Variants in CERT1 observed in about 807,000 individuals in gnomAD.
CERT1 encodes the protein ceramide transfer protein.
CERT1 carries 31 observed loss-of-function variants against 87.9 expected under a neutral mutation model. That is an observed-to-expected ratio of 0.35 (90% CI 0.27 to 0.48). CERT1 has a LOEUF of 0.48. Ranked by LOEUF, CERT1 falls within the 20% of genes least tolerant of loss-of-function variation. The pLI is 0.99. For synonymous variants in CERT1, 289 were observed against 250.9 expected, an observed-to-expected ratio of 1.15 and a Z score of -1.44; for missense variants, 487 against 758.0, an observed-to-expected ratio of 0.64 and a Z score of 4.20.
intron 17 of CERT1, chr5:75,370,109 T>G (rs1276714352): frequency 6.6e-6 from 1 of 152,214 alleles, no homozygotes; most frequent in African/African-American, 2.4e-5. Context: ...CCTCTAGGAA[T>G]GAGGACCACA....
At chr5:75,426,526 T>C (rs1477634243) in intron 3 of CERT1, 48 bp from the exon 4 acceptor site, 2 of 1,360,842 alleles carry the variant, frequency 1.5e-6, no homozygotes, top group Non-Finnish European at 2.1e-6. Flanking sequence ...TAAAAAATAC[T>C]TGAGAAAACA....
chr5:75,376,934 A>G (rs1761340461), downstream of CERT1: 1 of 152,172 alleles, frequency 6.6e-6, no homozygotes. Context: ...TATATAATTG[A>G]CTATTATTTT....
chr5:75,419,100 A>G (rs1763265554), intron 6 of CERT1, among the ~76,000 whole-genome samples: 1 of 152,188 alleles, frequency 6.6e-6, no homozygotes, highest in Non-Finnish European at 1.5e-5. Flanking sequence ...AAGACAAGGG[A>G]AAAAAATTGT....
rs541719901 is a variant in CERT1, at chr5:75,460,229, C to T, written c.232-1048G>A. On this transcript the variant is annotated intron_variant, in intron 2 of 16. Transcript: ENST00000643780. Reference sequence around the variant, plus strand: ...TTATTTCATTAAATATTCTTGATATCTCATTTATCAAATCTTATGAAATTT... The same window carrying T: ...TTATTTCATTAAATATTCTTGATATTTCATTTATCAAATCTTATGAAATTT... Among the ~76,000 whole-genome samples, 17 of 152,188 alleles carry T rather than the reference C, an allele frequency of 1.1e-4. No homozygotes were observed. In the South Asian group the frequency reaches 3.5e-3, roughly 32 times the overall value.
rs759188375 is a variant in CERT1 at position 75,410,964 on chromosome 5, T to C, written c.930+47A>G. 13 of 990,308 alleles carry C rather than the reference T, an allele frequency of 1.3e-5. No individual in the cohort carries two copies. The Admixed American group carries it at 1.9e-4, about 14-fold the overall frequency. The allele number at this position is 990,308 out of a possible 1,614,324, so 61.3% of individuals were successfully genotyped here. A position where few individuals can be genotyped will look rare whatever the true frequency, so the allele number is the denominator to read the frequency against. On this transcript the variant is annotated intron_variant, in intron 8 of 16. Transcript: ENST00000643780. ...TATTATTAAAAAATCACTTTTGTGA[T>C]AGACATGATCTATGTGTTTCTCTAA...
chr5:75,474,815 G>C (rs1361498730), intron 2 of CERT1, among the ~76,000 whole-genome samples: 1 of 150,866 alleles, frequency 6.6e-6, no homozygotes, highest in African/African-American at 2.5e-5. Flanking sequence ...TCTTCTACTA[G>C]AGGGAGTCTA....
chr5:75,428,881 T>C (rs1161509956), intron 3 of CERT1, among the ~76,000 whole-genome samples: 3 of 152,076 alleles, frequency 2.0e-5, no homozygotes, highest in African/African-American at 7.2e-5. Flanking sequence ...TGTCCTATTA[T>C]CTCTTCAAGG....
intron 5 of CERT1, among the ~76,000 whole-genome samples, chr5:75,421,947 A>C (rs1042844980): frequency 6.6e-6 from 1 of 152,134 alleles, no homozygotes; most frequent in Non-Finnish European, 1.5e-5. Context: ...CTTCTGTACA[A>C]TATTTGTTTT....
chr5:75,454,735 G>A (rs1038607463), intron 3 of CERT1, among the ~76,000 whole-genome samples: 1 of 152,116 alleles, frequency 6.6e-6, no homozygotes, highest in Non-Finnish European at 1.5e-5. Context: ...ACTCAATGTC[G>A]ACCATTCTAC....
chr5:75,394,620 G>A (rs575802056), intron 11 of CERT1, among the ~76,000 whole-genome samples: 6 of 152,282 alleles, frequency 3.9e-5, no homozygotes, highest in South Asian at 2.1e-4. Context: ...CGCTACTGAG[G>A]AGACTGAGGC....
In CERT1 at chr5:75,511,249, C is replaced by A; in HGVS notation, c.-42G>T. On this transcript the variant is annotated 5_prime_UTR_variant, in exon 1 of 17. Transcript: ENST00000643780. ...AGCAGGAGACCGGCCCCCGCTCCCT[C>A]AGCTGCGCCGGAGGAGGCGCCCAGT... 6.2e-7 allele frequency: 1 copy of A among 1,605,768 alleles called. No individual in the cohort carries two copies. Among genetic ancestry groups the A allele is most frequent in the Non-Finnish European group, 8.5e-7 (1 of 1,176,314 alleles).
chr5:75,430,576 T>C (rs1244250709), intron 3 of CERT1, among the ~76,000 whole-genome samples: 1 of 152,178 alleles, frequency 6.6e-6, no homozygotes, highest in East Asian at 1.9e-4. Context: ...AAGTGTAGAC[T>C]ACATCTGTCA....
At position 75,511,301 on chromosome 5, in the gene CERT1, C is replaced by A. The variant is rs1767977695; in HGVS notation, c.-94G>T. ...CTCGGGGTGAAGGGTCGGGGGATGG[C>A]GAAGCGAAGAGTGCCCGCTCCGGTG... On this transcript the variant is annotated 5_prime_UTR_variant, in exon 1 of 17. Transcript: ENST00000643780. 1.3e-6 allele frequency: 2 copies of A among 1,558,338 alleles called. No homozygotes were observed. The highest frequency in any genetic ancestry group is 2.4e-5 in the East Asian group (1 of 41,500).
chr5:75,477,618 T>A (rs1278583856), intron 2 of CERT1, among the ~76,000 whole-genome samples: 1 of 138,778 alleles, frequency 7.2e-6, no homozygotes, highest in East Asian at 2.1e-4. Flanking sequence ...AGAAGGTCAC[T>A]TCAATGAGAG....
chr5:75,398,729 C>T (rs984419166), intron 11 of CERT1, among the ~76,000 whole-genome samples: 1 of 152,126 alleles, frequency 6.6e-6, no homozygotes, highest in Non-Finnish European at 1.5e-5. Flanking sequence ...ATTCCTAAAC[C>T]CTTACCAATG....
chr5:75,483,315 G>A lies in CERT1; in HGVS notation c.231+22667C>T, dbSNP rs150967093. ...GATACAATGAGTGAGCTTGAAGACAGGCTATTTGAAAATATAGTCAGAGGA... is the reference window on the plus strand; with the variant it reads ...GATACAATGAGTGAGCTTGAAGACAAGCTATTTGAAAATATAGTCAGAGGA... On this transcript the variant is annotated intron_variant, in intron 2 of 16. Transcript: ENST00000643780. Among the ~76,000 whole-genome samples, 56 of 152,200 alleles carry A rather than the reference G, an allele frequency of 3.7e-4. 1 individual carries two copies. The Middle Eastern group carries it at 0.014, about 37-fold the overall frequency.
At position 75,459,126 on chromosome 5, in the gene CERT1, T is replaced by C. The variant is rs1561278205; in HGVS notation, c.287A>G (p.Tyr96Cys). 6 of 1,613,276 alleles carry C rather than the reference T, an allele frequency of 3.7e-6. No individual in the cohort carries two copies. The highest frequency in any genetic ancestry group is 1.1e-5 in the South Asian group (1 of 91,078). ...FDISVNDSVW[Y>C]LRAQDPDHRQ... is the part of the protein sequence containing the mutation. ...ATGATCTGGATCCTGAGCACGAAGA[T>C]ACCAAACACTATCATTTACACTAAT... The change falls in exon 3 of 17, where the codon TAT becomes TGT. Residue 96 changes from tyrosine (Y) to cysteine (C), a missense_variant. Tyr to Cys is a radical substitution (Grantham distance 194). Around this residue, in one of 8 missense-constraint regions of CERT1, gnomAD observed 173 missense variants for 302.2 expected, o/e 0.57. Transcript: ENST00000643780.
rs527612671 is a variant in CERT1, at chr5:75,420,980, G to A, written c.596-1556C>T. On this transcript the variant is annotated intron_variant, in intron 5 of 16. Coordinates refer to ENST00000643780, the MANE Select transcript of CERT1 (RefSeq NM_001379029.1). ...AACACAGGTGCACACCACCAGCCCA[G>A]CTAATTTTTGTAGAGATGAGGTTTT... 6.6e-4 allele frequency among the ~76,000 whole-genome samples: 100 copies of A among 152,178 alleles called. 1 individual carries two copies. Among genetic ancestry groups the A allele is most frequent in the African/African-American group, 2.3e-3 (97 of 41,524 alleles).
At chr5:75,384,292 G>C (rs1308457065) in intron 14 of CERT1, among the ~76,000 whole-genome samples, 1 of 152,168 alleles carries the variant, frequency 6.6e-6, no homozygotes, top group African/African-American at 2.4e-5. Flanking sequence ...CCAATTACTT[G>C]AGAGGCTGAG....
Sources: gnomAD v4.1 joint callset for allele counts (sites outside exome capture counted in the v4.1 genomes callset) on GRCh38, gnomAD v4.1.1 for gene constraint, gnomAD v4.1.1 regional missense constraint, MANE v1.5 for transcripts, NCBI Gene and HGNC (gene_info 2026-07-23, HGNC 2026-07-21) for gene names.